Variants in HBS1L observed in about 807,000 individuals in gnomAD.
HBS1L encodes HBS1 like translational GTPase.
A neutral mutation model predicts 88.9 loss-of-function variants in HBS1L; 55 were observed. The observed-to-expected ratio is 0.62, with a 90% CI of 0.50 to 0.77. The LOEUF (loss-of-function observed/expected upper bound fraction) is 0.77. Among genes scored for constraint, HBS1L ranks in the 30% least tolerant of loss-of-function variants. HBS1L has a pLI of 0.00. For synonymous variants in HBS1L, 267 were observed against 288.5 expected (o/e 0.93, Z 0.76); for missense variants, 741 against 829.3 (o/e 0.89, Z 1.31).
chr6:135,051,601 C>CCTCTGCTA (rs1241973003), intron 1 of HBS1L, among the ~76,000 whole-genome samples: 2 of 152,178 alleles, frequency 1.3e-5, no homozygotes, highest in Admixed American at 1.3e-4. Flanking sequence ...GCAGTAAGCC[C>CCTCTGCTA]CTCTGCTACT....
intron 10 of HBS1L, 115 bp from the exon 11 acceptor site, chr6:134,986,298 A>G: frequency 3.1e-6 from 2 of 644,034 alleles, no homozygotes; most frequent in East Asian, 2.9e-5. Flanking sequence ...TTTTTAAAAC[A>G]TAATAGAAAT....
At chr6:135,004,319 T>C (rs1215991217) in intron 4 of HBS1L, among the ~76,000 whole-genome samples, 4 of 151,844 alleles carry the variant, frequency 2.6e-5, no homozygotes, top group Non-Finnish European at 4.4e-5. Context: ...AATCCATATA[T>C]GGTGCCGTAA....
At chr6:134,971,014 T>C (rs912339743) in intron 15 of HBS1L, among the ~76,000 whole-genome samples, 5 of 151,476 alleles carry the variant, frequency 3.3e-5, no homozygotes, top group Non-Finnish European at 5.9e-5. Flanking sequence ...CTAGCCAAAA[T>C]AGTTTGCACA....
chr6:135,039,945 T>C (rs576279828), intron 3 of HBS1L, among the ~76,000 whole-genome samples, 178 bp from the exon 4 acceptor site: 1 of 152,366 alleles, frequency 6.6e-6, no homozygotes, highest in South Asian at 2.1e-4. Flanking sequence ...TCTTCCCTTA[T>C]CCAAGGAACG....
chr6:135,003,333 A>T (rs1226027589), intron 4 of HBS1L, among the ~76,000 whole-genome samples: 1 of 152,162 alleles, frequency 6.6e-6, no homozygotes, highest in Non-Finnish European at 1.5e-5. Flanking sequence ...TGCACACAAC[A>T]CTAGACTTAC....
At chr6:135,036,665 C>T in intron 4 of HBS1L, 3 of 1,551,172 alleles carry the variant, frequency 1.9e-6, no homozygotes, top group Non-Finnish European at 2.6e-6. Context: ...ATTTCTTTGT[C>T]CTTTACATCT....
chr6:135,025,744 C>T (rs1057030270), intron 4 of HBS1L, among the ~76,000 whole-genome samples: 2 of 151,972 alleles, frequency 1.3e-5, no homozygotes, highest in Non-Finnish European at 2.9e-5. Context: ...GAATATATAA[C>T]AGTTGAATGT....
intron 4 of HBS1L, among the ~76,000 whole-genome samples, chr6:135,038,916 T>A (rs1291080036): frequency 6.6e-6 from 1 of 152,134 alleles, no homozygotes; most frequent in African/African-American, 2.4e-5. Context: ...TCCTATCTCA[T>A]CAGAGTTTAA....
intron 5 of HBS1L, among the ~76,000 whole-genome samples, chr6:135,001,151 C>T (rs1402946515): frequency 1.3e-5 from 2 of 152,050 alleles, no homozygotes; most frequent in East Asian, 3.8e-4. Context: ...CATATTTCCC[C>T]AAGGATTCTG....
chr6:135,005,919 A>G (rs1775597895), intron 4 of HBS1L, among the ~76,000 whole-genome samples: 1 of 152,230 alleles, frequency 6.6e-6, no homozygotes, highest in African/African-American at 2.4e-5. Flanking sequence ...TGCAAAGTGA[A>G]TAAGGTTTTC....
At chr6:135,038,070 A>G (rs1256642365) in intron 4 of HBS1L, 1 of 1,423,998 alleles carries the variant, frequency 7.0e-7, no homozygotes, top group Non-Finnish European at 9.2e-7. Flanking sequence ...ATAGGTTGAT[A>G]TACGCAGAAG....
At chr6:134,973,984 G>A (rs1235334945) in intron 15 of HBS1L, among the ~76,000 whole-genome samples, 1 of 151,934 alleles carries the variant, frequency 6.6e-6, no homozygotes, top group East Asian at 1.9e-4. Context: ...TTCACTTAAA[G>A]TCTAATCCAT....
Position 135,022,276 on chromosome 6 carries a change from A to G in HBS1L, c.430+17297T>C, listed in dbSNP as rs572928076. On this transcript the variant is annotated intron_variant, in intron 4 of 17. Transcript: ENST00000367837. ...TGTATAATTGCCTTAGAATAAAACA[A>G]GAAAGTATATACAAATATACATGTG... Among the ~76,000 whole-genome samples, 572 of 152,166 alleles carry G rather than the reference A, an allele frequency of 3.8e-3. 3 individuals carry two copies. The highest frequency in any genetic ancestry group is 0.012 in the African/African-American group (513 of 41,530).
At chr6:134,998,180 A>G (rs1775345075) in intron 5 of HBS1L, among the ~76,000 whole-genome samples, 1 of 152,252 alleles carries the variant, frequency 6.6e-6, no homozygotes. Flanking sequence ...TTAATTCAAC[A>G]AACACTTGAT....
Position 135,054,656 on chromosome 6 carries a change from G to A in HBS1L, c.36C>T (p.Tyr12=), listed in dbSNP as rs566034844. Residue 12 remains tyrosine, a synonymous_variant, in exon 1 of 18, where the codon TAC becomes TAT. Coordinates refer to ENST00000367837, the MANE Select transcript of HBS1L (RefSeq NM_006620.4). The part of the protein sequence containing the change: ...ARHRNVRGYN[Y]DEDFEDDDLY... ...CATGACCCTGCCACCTACCTTCATCGTAGTTATAGCCTCGAACATTCCGAT... is the reference window on the plus strand; with the variant it reads ...CATGACCCTGCCACCTACCTTCATCATAGTTATAGCCTCGAACATTCCGAT... 49 of 1,614,230 alleles carry A rather than the reference G, an allele frequency of 3.0e-5. No homozygotes were observed. In the South Asian group the frequency reaches 4.7e-4, roughly 16 times the overall value.
chr6:134,996,831 T>C lies in HBS1L; in HGVS notation c.911A>G (p.Lys304Arg), dbSNP rs771125381. 5.0e-6 allele frequency: 8 copies of C among 1,612,092 alleles called. No homozygotes were observed. The highest frequency in any genetic ancestry group is 6.8e-6 in the Non-Finnish European group (8 of 1,179,284). Reference protein sequence around the residue: ...KYEQESKKAGKASFAYAWVLD... With the variant: ...KYEQESKKAGRASFAYAWVLD... The stretch of plus-strand genomic sequence containing the variant: ...GACCCATGCATATGCAAACGAAGCT[T>C]TGCCAGCCTTTTTAGACTCCTGTTC... The change falls in exon 7 of 18, where the codon AAA (lysine) becomes AGA (arginine). Residue 304 changes from lysine (K) to arginine (R), a missense_variant. Coordinates refer to ENST00000367837, the MANE Select transcript of HBS1L (RefSeq NM_006620.4).
chr6:135,027,034 A>C (rs1776246293), intron 4 of HBS1L: 3 of 151,790 alleles, frequency 2.0e-5, no homozygotes, highest in Admixed American at 2.0e-4. Context: ...TCTACTAAAA[A>C]TAAAAAAATT....
Position 134,993,855 on chromosome 6 carries a change from C to T in HBS1L, c.986G>A (p.Gly329Asp), listed in dbSNP as rs748606598. 4 of 1,595,374 alleles carry T rather than the reference C, an allele frequency of 2.5e-6. No individual in the cohort carries two copies. The highest frequency in any genetic ancestry group is 2.6e-6 in the Non-Finnish European group (3 of 1,165,448). Residue 329 changes from glycine to aspartate, a missense_variant, in exon 8 of 18, where the codon GGT becomes GAT. Physicochemically the swap from Gly to Asp is moderately conservative, Grantham distance 94. This residue lies in a region of HBS1L where 556 missense variants were observed against 598.4 expected (regional missense o/e 0.93). Coordinates refer to ENST00000367837, the MANE Select transcript of HBS1L (RefSeq NM_006620.4). ...ERERGVTMDVGMTKFETTTKV... is the reference protein window; with the variant it reads ...ERERGVTMDVDMTKFETTTKV... Reference sequence around the variant, plus strand: ...GGTTGTGGTTTCAAACTTTGTCATACCAACATCCATGGTTACTCCCCTTAA... The same window carrying T: ...GGTTGTGGTTTCAAACTTTGTCATATCAACATCCATGGTTACTCCCCTTAA...
chr6:134,994,681 A>AT (rs1491143519), intron 7 of HBS1L, among the ~76,000 whole-genome samples: 2 of 152,152 alleles, frequency 1.3e-5, no homozygotes, highest in African/African-American at 4.8e-5. Flanking sequence ...GACCTGTCAC[A>AT]TGAGATCAGA....
Sources: allele counts gnomAD v4.1 joint callset (sites outside exome capture counted in the v4.1 genomes callset), GRCh38; gene constraint gnomAD v4.1.1; regional missense constraint gnomAD v4.1.1; transcripts MANE v1.5; gene names NCBI Gene and HGNC (gene_info 2026-07-23, HGNC 2026-07-21).